The following FMR1NB variants were observed in gnomAD, a reference collection of about 807,000 sequenced individuals.
The protein encoded by FMR1NB is FMR1 neighbor protein.
A neutral mutation model predicts 16.8 loss-of-function variants in FMR1NB; 10 were observed. The observed-to-expected ratio is 0.60, with a 90% CI of 0.37 to 1.01. The LOEUF (loss-of-function observed/expected upper bound fraction) is 1.01. Ranked by LOEUF, FMR1NB falls within the 50% of genes least tolerant of loss-of-function variation. The pLI is 0.01. For missense variants in FMR1NB, 205 were observed against 204.8 expected (o/e 1.00, Z 0.00); for synonymous variants, 83 against 79.1 (o/e 1.05, Z -0.26).
intron 1 of FMR1NB, among the ~76,000 whole-genome samples, chrX:147,983,029 C>T (rs1364782231): frequency 8.9e-6 from 1 of 112,420 alleles, no homozygotes; most frequent in Non-Finnish European, 1.9e-5. Flanking sequence ...ATTTTAACCA[C>T]CCCAAATTAA....
At position 148,024,092 on chromosome X, in the gene FMR1NB, C is replaced by A. The variant is rs180854533; in HGVS notation, c.633-773C>A. ...TTATGCACATAGGAAGTTTATCATA[C>A]CTGCTGCTAGCCATTATTCACGAAC... On this transcript the variant is annotated intron_variant, in intron 4 of 5. Coordinates refer to ENST00000370467, the MANE Select transcript of FMR1NB (RefSeq NM_152578.3). Among the ~76,000 whole-genome samples the A allele has an allele frequency of 7.7e-3, 863 of 111,843 alleles. 8 individuals carry two copies. The highest frequency in any genetic ancestry group is 0.026 in the African/African-American group (791 of 30,778).
Position 147,981,588 on chromosome X carries a change from G to T in FMR1NB, c.186G>T (p.Lys62Asn), listed in dbSNP as rs782095714. The change falls in exon 1 of 6, where the codon AAG becomes AAT. Residue 62 changes from lysine to asparagine, a missense_variant. Physicochemically the swap from Lys to Asn is moderately conservative, Grantham distance 94. Coordinates refer to ENST00000370467, the MANE Select transcript of FMR1NB (RefSeq NM_152578.3). ...AGCCAGGATGGCGGGAATCTCTAAA[G>T]ATGCGGGTCAGCAAACCCTTTGGGA... ...RPQPGWRESLKMRVSKPFGML... is the reference protein window; with the variant it reads ...RPQPGWRESLNMRVSKPFGML... The T allele has an allele frequency of 1.7e-5, 20 of 1,209,585 alleles. No homozygotes were observed. The highest frequency in any genetic ancestry group is 1.5e-5 in the Non-Finnish European group (13 of 895,067).
intron 1 of FMR1NB, among the ~76,000 whole-genome samples, chrX:147,997,930 C>T (rs1441727424): frequency 5.2e-4 from 58 of 112,504 alleles, no homozygotes; most frequent in African/African-American, 1.9e-3. Context: ...GTTAGAATGG[C>T]AATCATTAAA....
intron 5 of FMR1NB, among the ~76,000 whole-genome samples, chrX:148,025,383 T>C (rs544616527): frequency 9.0e-6 from 1 of 111,060 alleles, no homozygotes; most frequent in Non-Finnish European, 1.9e-5. Context: ...GGAAGGAGAA[T>C]GGCCTTAGGA....
chrX:148,003,264 A>G lies in FMR1NB; in HGVS notation c.341A>G (p.Gln114Arg). The change falls in exon 2 of 6, where the codon CAA becomes CGA. Residue 114 changes from glutamine to arginine, a missense_variant. Gln to Arg is a conservative substitution (Grantham distance 43). Transcript: ENST00000370467. ...ILPNSENAHG[Q>R]SLEEDSALEA... The stretch of plus-strand genomic sequence containing the variant: ...CCCAACAGTGAAAATGCTCATGGCC[A>G]ATCTCTGGAAGAAGATTCCGCATTG... The G allele has an allele frequency of 8.3e-7, 1 of 1,211,050 alleles. No homozygotes were observed.
intron 1 of FMR1NB, among the ~76,000 whole-genome samples, chrX:147,982,220 G>T (rs1448583660): frequency 9.1e-6 from 1 of 110,359 alleles, no homozygotes; most frequent in East Asian, 2.9e-4. Context: ...AATTCGGGAG[G>T]TGGAGGTTGC....
Position 148,008,627 on chromosome X carries a change from A to G in FMR1NB, c.548A>G (p.Gln183Arg). 8.3e-7 allele frequency: 1 copy of G among 1,211,387 alleles called. No homozygotes were observed. The highest frequency in any genetic ancestry group is 1.8e-5 in the South Asian group (1 of 56,805). The change falls in exon 4 of 6, where the codon CAG becomes CGG. Residue 183 changes from glutamine (Q) to arginine (R), a missense_variant. Gln to Arg is a conservative substitution (Grantham distance 43). Coordinates refer to ENST00000370467, the MANE Select transcript of FMR1NB (RefSeq NM_152578.3). ...ATAATTAAACCAACAGTGCCTAAAC[A>G]GATGATGCAAATGTTTGGGCTTGGT... Reference protein sequence around the residue: ...CFAPFRDVPKQMMQMFGLGAI... With the variant: ...CFAPFRDVPKRMMQMFGLGAI...
intron 1 of FMR1NB, among the ~76,000 whole-genome samples, chrX:147,985,561 A>G (rs1343932565): frequency 9.0e-6 from 1 of 110,932 alleles, no homozygotes; most frequent in African/African-American, 3.3e-5. Flanking sequence ...GTGTGAGAAC[A>G]TGCGGTGTTT....
At chrX:148,013,760 T>C (rs976618888) in intron 4 of FMR1NB, among the ~76,000 whole-genome samples, 3 of 111,832 alleles carry the variant, frequency 2.7e-5, no homozygotes, top group Admixed American at 9.5e-5. Flanking sequence ...TTAGATGTTT[T>C]ATCAGCACCT....
intron 1 of FMR1NB, among the ~76,000 whole-genome samples, chrX:147,983,447 T>C (rs1216419517): frequency 1.8e-5 from 2 of 112,640 alleles, no homozygotes; most frequent in Non-Finnish European, 3.8e-5. Flanking sequence ...AGTGAAATAG[T>C]ATCTCTTTAT....
At chrX:147,986,458 A>C (rs1304167902) in intron 1 of FMR1NB, among the ~76,000 whole-genome samples, 1 of 111,920 alleles carries the variant, frequency 8.9e-6, no homozygotes, top group African/African-American at 3.3e-5. Context: ...TTTAGGTCTT[A>C]TGTTTAAGTC....
chrX:148,023,429 T>G (rs2044689036), intron 4 of FMR1NB, among the ~76,000 whole-genome samples: 2 of 111,411 alleles, frequency 1.8e-5, no homozygotes, highest in Admixed American at 1.9e-4. Flanking sequence ...GTAATACAGT[T>G]TTAGGGGAGA....
intron 4 of FMR1NB, among the ~76,000 whole-genome samples, chrX:148,021,597 TCTTTGAGC>T (rs1557190597): frequency 1.8e-5 from 2 of 110,808 alleles, no homozygotes. Context: ...TGTTTTTGTT[TCTTTGAGC>T]CCCTAGCCTC....
rs1557190902 is a variant in FMR1NB, at chrX:148,025,031, A to G, written c.*13+18A>G. ...GACCAAAGGTAATTGACAATAGGAT[A>G]TAAAGTTGAAGTGCTCAATCTCTGA... is the stretch of plus-strand genomic sequence containing the variant. On this transcript the variant is annotated intron_variant, in intron 5 of 5. Coordinates refer to ENST00000370467, the MANE Select transcript of FMR1NB (RefSeq NM_152578.3). The G allele has an allele frequency of 1.7e-6, 2 of 1,198,978 alleles. No homozygotes were observed. The highest frequency in any genetic ancestry group is 2.3e-6 in the Non-Finnish European group (2 of 887,364).
Position 148,003,248 on chromosome X carries a change from G to T in FMR1NB, c.325G>T (p.Glu109Ter), listed in dbSNP as rs781907275. Residue 109 changes from glutamate (E) to a stop codon, truncating the protein, a stop_gained, in exon 2 of 6, where the codon GAA becomes TAA. Coordinates refer to ENST00000370467, the MANE Select transcript of FMR1NB (RefSeq NM_152578.3). LOFTEE classifies it high-confidence loss of function. ...LANGHILPNSENAHGQSLEED... is the reference protein window; with the variant it reads ...LANGHILPNS ...AAATGGACATATCCTGCCCAACAGT[G>T]AAAATGCTCATGGCCAATCTCTGGA... 8.3e-7 allele frequency: 1 copy of T among 1,210,734 alleles called. No homozygotes were observed. Among genetic ancestry groups the T allele is most frequent in the Non-Finnish European group, 1.1e-6 (1 of 894,510 alleles).
chrX:148,022,719 AG>A (rs1557190691), intron 4 of FMR1NB, among the ~76,000 whole-genome samples: 27 of 111,667 alleles, frequency 2.4e-4, no homozygotes, highest in African/African-American at 7.5e-4. Flanking sequence ...ATAGCCAGTT[AG>A]TGATGAGGCT....
chrX:148,021,970 T>C (rs1483603516), intron 4 of FMR1NB, among the ~76,000 whole-genome samples: 1 of 109,435 alleles, frequency 9.1e-6, no homozygotes, highest in Non-Finnish European at 1.9e-5. Context: ...AGTCCCCTTG[T>C]TTCATGGAAA....
chrX:147,999,961 T>G (rs2124618465), intron 1 of FMR1NB, among the ~76,000 whole-genome samples: 1 of 112,075 alleles, frequency 8.9e-6, no homozygotes, highest in African/African-American at 3.2e-5. Flanking sequence ...TGAGATACTT[T>G]AATATTTATC....
chrX:148,002,374 A>G (rs1163962226), intron 1 of FMR1NB, among the ~76,000 whole-genome samples: 6 of 111,596 alleles, frequency 5.4e-5, no homozygotes, highest in Non-Finnish European at 1.1e-4. Flanking sequence ...TACTACTGGT[A>G]GAAGTGTATT....
Sources: allele counts gnomAD v4.1 joint callset (sites outside exome capture counted in the v4.1 genomes callset), GRCh38; gene constraint gnomAD v4.1.1; transcripts MANE v1.5; gene names NCBI Gene and HGNC (gene_info 2026-07-23, HGNC 2026-07-21).